The following ARHGAP26 variants were observed in gnomAD, a reference collection of about 807,000 sequenced individuals.
The protein encoded by ARHGAP26 is Rho GTPase activating protein 26.
Under a neutral mutation model 104.8 loss-of-function variants are expected in ARHGAP26, and 38 were observed. The observed-to-expected ratio is 0.36, with a 90% CI of 0.28 to 0.48. The LOEUF is 0.48. ARHGAP26 is among the 20% of genes least tolerant of loss of function. The pLI, the probability that ARHGAP26 is intolerant of heterozygous loss-of-function variation, is 0.99. For synonymous variants in ARHGAP26, 341 were observed against 340.0 expected (o/e 1.00, Z -0.03); for missense variants, 704 against 947.9 (o/e 0.74, Z 3.38).
At chr5:143,072,090 A>C (rs558671638) in intron 17 of ARHGAP26, among the ~76,000 whole-genome samples, 1 of 152,210 alleles carries the variant, frequency 6.6e-6, no homozygotes, top group Admixed American at 6.5e-5. Context: ...AAAAATCCCA[A>C]TACAAAATGG....
chr5:143,070,974 A>C (rs992578218), intron 17 of ARHGAP26, among the ~76,000 whole-genome samples: 26 of 152,180 alleles, frequency 1.7e-4, no homozygotes, highest in African/African-American at 5.8e-4. Flanking sequence ...AAAGTCCTAA[A>C]ACTTATATGG....
At chr5:143,071,314 T>C (rs760529212) in intron 17 of ARHGAP26, among the ~76,000 whole-genome samples, 8 of 152,012 alleles carry the variant, frequency 5.3e-5, no homozygotes, top group Non-Finnish European at 1.0e-4. Context: ...AATCCATAAA[T>C]GAATCTACAC....
At chr5:142,979,633 A>G (rs528364672) in intron 11 of ARHGAP26, among the ~76,000 whole-genome samples, 1 of 152,338 alleles carries the variant, frequency 6.6e-6, no homozygotes, top group South Asian at 2.1e-4. Flanking sequence ...TCTTCCATAC[A>G]CAATCAAGGA....
intron 10 of ARHGAP26, chr5:142,921,811 A>G (rs1444013799): frequency 1.3e-5 from 2 of 152,346 alleles, no homozygotes; most frequent in Non-Finnish European, 2.9e-5. Context: ...CTGAAGGTGG[A>G]ACACACTAAT....
rs953280360 is a variant in ARHGAP26, at chr5:142,876,592, A to G, written c.312+1421A>G. On this transcript the variant is annotated intron_variant, in intron 3 of 22. Transcript: ENST00000645722. ...GGAGTTCAAGACCAGTCTGGAGGCAACATAGTGAGACCCCATCTCAACAAA... is the reference window on the plus strand; with the variant it reads ...GGAGTTCAAGACCAGTCTGGAGGCAGCATAGTGAGACCCCATCTCAACAAA... Among the ~76,000 whole-genome samples the G allele has an allele frequency of 2.0e-5, 3 of 148,098 alleles. No individual in the cohort carries two copies. In the East Asian group the frequency reaches 6.6e-4, roughly 33 times the overall value.
At chr5:143,193,240 CTTTTTTTTTTTTT>C (rs57462040) in intron 20 of ARHGAP26, among the ~76,000 whole-genome samples, 3 of 74,622 alleles carry the variant, frequency 4.0e-5, no homozygotes, top group African/African-American at 1.2e-4. Context: ...ATTTTCTTTT[CTTTTTTTTTTTTT>C]TTTTTTTTTT....
intron 11 of ARHGAP26, among the ~76,000 whole-genome samples, chr5:142,996,677 G>A (rs1776447476): frequency 6.6e-6 from 1 of 152,074 alleles, no homozygotes; most frequent in Non-Finnish European, 1.5e-5. Context: ...AAGGATAGGT[G>A]CTAGATTTGA....
At chr5:142,956,427 A>G (rs183514880) in intron 11 of ARHGAP26, among the ~76,000 whole-genome samples, 5 of 152,174 alleles carry the variant, frequency 3.3e-5, no homozygotes, top group African/African-American at 1.2e-4. Context: ...AATTTTAAAA[A>G]TTAGCCAAGT....
intron 20 of ARHGAP26, among the ~76,000 whole-genome samples, chr5:143,179,477 T>C (rs1336611310): frequency 6.6e-6 from 1 of 152,220 alleles, no homozygotes; most frequent in Non-Finnish European, 1.5e-5. Flanking sequence ...TGATCACTGC[T>C]CCTGCACATT....
At chr5:143,143,695 G>T (rs116527516) in intron 19 of ARHGAP26, among the ~76,000 whole-genome samples, 4 of 152,020 alleles carry the variant, frequency 2.6e-5, no homozygotes, top group African/African-American at 9.7e-5. Context: ...AACCATTCAC[G>T]GAGCCTTAGT....
chr5:143,006,266 T>C (rs1388044353), intron 11 of ARHGAP26, among the ~76,000 whole-genome samples: 1 of 152,004 alleles, frequency 6.6e-6, no homozygotes, highest in Non-Finnish European at 1.5e-5. Flanking sequence ...GCTTTCCTTT[T>C]CTGTCTGGCC....
chr5:143,004,267 C>T (rs1777627908), intron 11 of ARHGAP26, among the ~76,000 whole-genome samples: 1 of 152,176 alleles, frequency 6.6e-6, no homozygotes. Context: ...TCCACAAGGA[C>T]TCAGATATAG....
At chr5:142,895,153 C>T (rs2152434256) in intron 6 of ARHGAP26, among the ~76,000 whole-genome samples, 1 of 152,300 alleles carries the variant, frequency 6.6e-6, no homozygotes, top group Admixed American at 6.5e-5. Flanking sequence ...AAAATGCAGC[C>T]TCTGATTTAG....
intron 1 of ARHGAP26, among the ~76,000 whole-genome samples, chr5:142,841,033 T>G (rs1035093650): frequency 1.9e-4 from 29 of 152,132 alleles, no homozygotes; most frequent in Non-Finnish European, 4.1e-4. Context: ...TTAGGGAAAT[T>G]AGTAATATTA....
intron 17 of ARHGAP26, among the ~76,000 whole-genome samples, chr5:143,061,184 C>A: frequency 6.6e-6 from 1 of 152,188 alleles, no homozygotes; most frequent in East Asian, 1.9e-4. Flanking sequence ...CCTCTTTGAG[C>A]CTCAGTTTTC....
chr5:143,153,577 T>G (rs574592930), intron 20 of ARHGAP26, among the ~76,000 whole-genome samples: 2 of 152,148 alleles, frequency 1.3e-5, no homozygotes, highest in Non-Finnish European at 2.9e-5. Flanking sequence ...TGCAGTAATT[T>G]CCCCAAATTA....
At chr5:142,952,778 C>T (rs1463852786) in intron 11 of ARHGAP26, among the ~76,000 whole-genome samples, 1 of 152,098 alleles carries the variant, frequency 6.6e-6, no homozygotes, top group African/African-American at 2.4e-5. Flanking sequence ...GGTGCCATCT[C>T]GGCTCACTGC....
In ARHGAP26 at chr5:143,171,918, T is replaced by A. The variant is rs530103248; in HGVS notation, c.1988+24537T>A. 3.5e-3 allele frequency among the ~76,000 whole-genome samples: 528 copies of A among 152,288 alleles called. 3 individuals are homozygous for A. The highest frequency in any genetic ancestry group is 0.012 in the African/African-American group (509 of 41,556). The stretch of plus-strand genomic sequence containing the variant: ...GGATTTGAACTTCCTCTGCATTTTT[T>A]TTTGTTTCCTTCCTTTTATTTCTTA... On this transcript the variant is annotated intron_variant, in intron 20 of 22. Transcript: ENST00000645722.
At chr5:143,171,036 A>G (rs1340173188) in intron 20 of ARHGAP26, among the ~76,000 whole-genome samples, 3 of 152,252 alleles carry the variant, frequency 2.0e-5, no homozygotes, top group Non-Finnish European at 4.4e-5. Flanking sequence ...GAGAGGGGAA[A>G]AAAGAGCAGG....
Sources: allele counts gnomAD v4.1 joint callset (sites outside exome capture counted in the v4.1 genomes callset), GRCh38; gene constraint gnomAD v4.1.1; transcripts MANE v1.5; gene names NCBI Gene and HGNC (gene_info 2026-07-23, HGNC 2026-07-21).